The following PACC1 variants were observed in gnomAD, a reference collection of about 807,000 sequenced individuals.
PACC1 encodes the protein proton activated chloride channel 1, also known as proton-activated chloride channel.
PACC1 carries 34 observed loss-of-function variants against 39.7 expected under a neutral mutation model. That is an observed-to-expected ratio of 0.86 (90% CI 0.65 to 1.14). The LOEUF (loss-of-function observed/expected upper bound fraction) is 1.14, where lower values mean the gene tolerates loss of function less well. PACC1 is among the 50% of genes most tolerant of loss of function. PACC1 has a pLI of 0.00. For synonymous variants in PACC1, 127 were observed against 160.6 expected (o/e 0.79, Z 1.58); for missense variants, 379 against 436.4 (o/e 0.87, Z 1.17).
At chr1:212,392,662 C>T (rs986265422) in intron 2 of PACC1, among the ~76,000 whole-genome samples, 10 of 152,122 alleles carry the variant, frequency 6.6e-5, no homozygotes, top group African/African-American at 2.4e-4. Context: ...ATAGTCAAGA[C>T]CCATCAGTGT....
intron 2 of PACC1, 168 bp downstream of exon 2, chr1:212,410,257 T>C: frequency 1.5e-6 from 1 of 684,734 alleles, no homozygotes; most frequent in African/African-American, 1.8e-5. Context: ...AGACATATCC[T>C]CTGTTCCAAG....
At chr1:212,374,170 T>C (rs1660564769) in intron 7 of PACC1, among the ~76,000 whole-genome samples, 1 of 151,656 alleles carries the variant, frequency 6.6e-6, no homozygotes, top group Non-Finnish European at 1.5e-5. Context: ...ACACTTAGGA[T>C]GAATGGATAA....
intron 2 of PACC1, among the ~76,000 whole-genome samples, chr1:212,402,580 A>G (rs1449529883): frequency 6.6e-6 from 1 of 152,110 alleles, no homozygotes; most frequent in Non-Finnish European, 1.5e-5. Flanking sequence ...CAGGTGTATG[A>G]TTTGCAAATA....
chr1:212,365,167 G>C lies in PACC1; in HGVS notation c.*48C>G. ...GCTCCGTTTACAAAGTGGAAGTGAT[G>C]ACAGCTCCCATTGATGTGGACAGTT... On this transcript the variant is annotated 3_prime_UTR_variant, in exon 8 of 8. Coordinates refer to ENST00000261455, the MANE Select transcript of PACC1 (RefSeq NM_018252.3). The C allele has an allele frequency of 6.3e-7, 1 of 1,578,578 alleles. No individual in the cohort carries two copies. Among genetic ancestry groups the C allele is most frequent in the East Asian group, 2.2e-5 (1 of 44,492 alleles).
At chr1:212,409,968 A>T (rs1244513421) in intron 2 of PACC1, among the ~76,000 whole-genome samples, 1 of 152,200 alleles carries the variant, frequency 6.6e-6, no homozygotes, top group African/African-American at 2.4e-5. Flanking sequence ...CGGGCGGAAG[A>T]AGTAGTCAGC....
intron 2 of PACC1, among the ~76,000 whole-genome samples, chr1:212,406,734 T>C (rs1661934824): frequency 6.6e-6 from 1 of 152,232 alleles, no homozygotes; most frequent in Non-Finnish European, 1.5e-5. Context: ...TTGATGGAAC[T>C]ACCCAAAATT....
At chr1:212,410,909 T>C (rs1371217738) in intron 1 of PACC1, among the ~76,000 whole-genome samples, 2 of 152,214 alleles carry the variant, frequency 1.3e-5, no homozygotes, top group African/African-American at 4.8e-5. Context: ...TCCTTGGAGT[T>C]CGTTGGCTCG....
intron 7 of PACC1, among the ~76,000 whole-genome samples, chr1:212,370,604 G>A (rs1468400189): frequency 6.6e-6 from 1 of 152,212 alleles, no homozygotes; most frequent in Non-Finnish European, 1.5e-5. Context: ...TATCTTGTCT[G>A]ACCACAGTGG....
intron 2 of PACC1, among the ~76,000 whole-genome samples, chr1:212,400,865 C>G (rs1159530646): frequency 6.6e-6 from 1 of 152,138 alleles, no homozygotes; most frequent in African/African-American, 2.4e-5. Context: ...CCCCAGAATG[C>G]AAGTTCATCC....
At chr1:212,374,481 A>G (rs1438712947) in intron 7 of PACC1, among the ~76,000 whole-genome samples, 2 of 152,292 alleles carry the variant, frequency 1.3e-5, no homozygotes, top group African/African-American at 4.8e-5. Context: ...AAGATAGATG[A>G]CATGATAATA....
intron 2 of PACC1, among the ~76,000 whole-genome samples, chr1:212,394,388 C>G (rs1044404344): frequency 1.3e-5 from 2 of 152,114 alleles, no homozygotes; most frequent in African/African-American, 2.4e-5. Flanking sequence ...ATTCAACAGC[C>G]CTTCATGCTA....
intron 2 of PACC1, among the ~76,000 whole-genome samples, chr1:212,404,993 G>T (rs1444991187): frequency 6.6e-6 from 1 of 151,990 alleles, no homozygotes; most frequent in Non-Finnish European, 1.5e-5. Context: ...GGCTGGTCTC[G>T]AACTCCTGAC....
intron 4 of PACC1, among the ~76,000 whole-genome samples, chr1:212,381,197 T>C (rs1263288527): frequency 6.6e-6 from 1 of 152,246 alleles, no homozygotes; most frequent in Non-Finnish European, 1.5e-5. Flanking sequence ...CGGGTTTTGC[T>C]TAAAATATAT....
chr1:212,381,653 T>G (rs1227023012), intron 4 of PACC1, among the ~76,000 whole-genome samples: 1 of 149,368 alleles, frequency 6.7e-6, no homozygotes, highest in Admixed American at 6.8e-5. Flanking sequence ...GCCCTCCACC[T>G]TCCCAGGCCT....
chr1:212,413,812 TAA>T (rs1662223611), intron 1 of PACC1: 4 of 1,398,668 alleles, frequency 2.9e-6, no homozygotes, highest in Non-Finnish European at 3.8e-6. Context: ...CTGGAGAGTA[TAA>T]GAGACTAAAG....
At position 212,413,989 on chromosome 1, in the gene PACC1, G is replaced by T. The variant is rs185047744; in HGVS notation, c.36+733C>A. On this transcript the variant is annotated intron_variant, in intron 1 of 7. Transcript: ENST00000261455. Reference sequence around the variant, plus strand: ...AAGATGACCAAGGTTTGGGGGCCGAGAAGTGGAGGCGGAGGAGGAGAGCAG... The same window carrying T: ...AAGATGACCAAGGTTTGGGGGCCGATAAGTGGAGGCGGAGGAGGAGAGCAG... 4.2e-5 allele frequency: 64 copies of T among 1,535,892 alleles called. No individual in the cohort carries two copies. In the African/African-American group the frequency reaches 7.2e-4, roughly 17 times the overall value.
At chr1:212,414,464 C>A (rs1662256851) in intron 1 of PACC1, among the ~76,000 whole-genome samples, 1 of 152,072 alleles carries the variant, frequency 6.6e-6, no homozygotes, top group Non-Finnish European at 1.5e-5. Context: ...GTCGCGGCGC[C>A]GGGGACCCTA....
chr1:212,380,952 T>A (rs945630313), intron 4 of PACC1, among the ~76,000 whole-genome samples: 16 of 152,216 alleles, frequency 1.1e-4, no homozygotes, highest in Non-Finnish European at 2.4e-4. Context: ...TAGAAAAAAA[T>A]GTCTTTTACA....
intron 2 of PACC1, among the ~76,000 whole-genome samples, chr1:212,388,054 C>CAAAAAA (rs57874166): frequency 2.0e-5 from 2 of 100,580 alleles, no homozygotes; most frequent in African/African-American, 6.3e-5. Flanking sequence ...AACTCCATCT[C>CAAAAAA]AAAAAAAAAA....
Sources: allele counts gnomAD v4.1 joint callset (sites outside exome capture counted in the v4.1 genomes callset), GRCh38; gene constraint gnomAD v4.1.1; transcripts MANE v1.5; gene names NCBI Gene and HGNC (gene_info 2026-07-23, HGNC 2026-07-21).